The following SVOP variants were observed in gnomAD, a reference collection of about 807,000 sequenced individuals.
SVOP encodes the protein SV2 related protein.
A neutral mutation model predicts 69.1 loss-of-function variants in SVOP; 17 were observed. The observed-to-expected ratio is 0.25, with a 90% CI of 0.17 to 0.37. The LOEUF is 0.37. Ranked by LOEUF, SVOP falls within the 10% of genes least tolerant of loss-of-function variation. The pLI is 1.00. For synonymous variants in SVOP, 238 were observed against 238.6 expected, an observed-to-expected ratio of 1.00 and a Z score of 0.02; for missense variants, 435 against 597.5, an observed-to-expected ratio of 0.73 and a Z score of 2.84.
chr12:108,929,777 T>C (rs2039804231), intron 11 of SVOP, among the ~76,000 whole-genome samples: 2 of 152,190 alleles, frequency 1.3e-5, no homozygotes, highest in South Asian at 2.1e-4. Flanking sequence ...TCTCCTCCTA[T>C]TGCAATTGTT....
chr12:109,016,199 C>T (rs1020920387), intron 1 of SVOP, among the ~76,000 whole-genome samples: 1 of 152,228 alleles, frequency 6.6e-6, no homozygotes, highest in African/African-American at 2.4e-5. Flanking sequence ...TCTGACTTCA[C>T]CGATAGGCAC....
intron 5 of SVOP, among the ~76,000 whole-genome samples, chr12:108,962,544 G>C (rs1005273210): frequency 6.6e-6 from 1 of 152,134 alleles, no homozygotes; most frequent in Non-Finnish European, 1.5e-5. Flanking sequence ...GAACTCCTGA[G>C]TTCAAGGGAT....
chr12:108,946,997 G>A (rs1366119345), intron 6 of SVOP, among the ~76,000 whole-genome samples: 2 of 152,088 alleles, frequency 1.3e-5, no homozygotes, highest in African/African-American at 4.8e-5. Flanking sequence ...TGGAATTACA[G>A]GTGTGAGCCA....
At chr12:108,933,144 G>GCCACCAC in intron 11 of SVOP, among the ~76,000 whole-genome samples, 1 of 152,152 alleles carries the variant, frequency 6.6e-6, no homozygotes, top group Admixed American at 6.6e-5. Flanking sequence ...TAAAGTGCTG[G>GCCACCAC]GACTACATGC....
At chr12:108,915,728 C>A (rs980480336) in intron 15 of SVOP, 55 bp downstream of exon 15, 22 of 1,529,122 alleles carry the variant, frequency 1.4e-5, no homozygotes, top group Non-Finnish European at 1.9e-5. Context: ...TAACTGCTTG[C>A]CATGCATGGG....
At chr12:108,913,686 G>T (rs2039698743) in intron 15 of SVOP, among the ~76,000 whole-genome samples, 1 of 152,004 alleles carries the variant, frequency 6.6e-6, no homozygotes, top group African/African-American at 2.4e-5. Context: ...GTCTCGCTCT[G>T]TCTCCAGGCT....
intron 1 of SVOP, among the ~76,000 whole-genome samples, chr12:109,008,568 T>C (rs2040322931): frequency 6.6e-6 from 1 of 152,234 alleles, no homozygotes; most frequent in Non-Finnish European, 1.5e-5. Context: ...GCTTATATCC[T>C]GGACAAAAGG....
At chr12:108,954,444 G>A (rs567969584) in intron 6 of SVOP, among the ~76,000 whole-genome samples, 1 of 152,274 alleles carries the variant, frequency 6.6e-6, no homozygotes, top group Admixed American at 6.5e-5. Context: ...GAGCAGGCAG[G>A]CAAGCTGGGG....
intron 11 of SVOP, among the ~76,000 whole-genome samples, chr12:108,926,039 C>CT (rs1016435723): frequency 2.6e-5 from 4 of 152,024 alleles, no homozygotes; most frequent in African/African-American, 9.7e-5. Flanking sequence ...CCACCTCAGC[C>CT]TCCCAAATAG....
At position 109,009,361 on chromosome 12, in the gene SVOP, G is replaced by C. The variant is rs562048876; in HGVS notation, c.35+11473C>G. The stretch of plus-strand genomic sequence containing the variant: ...AGTTCTTGCCCCCATGGAACTTAGA[G>C]CCTTTTACCAAAGGTACCCTGAGCA... On this transcript the variant is annotated intron_variant, in intron 1 of 15. Coordinates refer to ENST00000610966, the MANE Select transcript of SVOP (RefSeq NM_018711.5). Among the ~76,000 whole-genome samples, 5 of 152,222 alleles carry C rather than the reference G, an allele frequency of 3.3e-5. No individual in the cohort carries two copies. The South Asian group carries it at 8.3e-4, about 25-fold the overall frequency.
intron 1 of SVOP, among the ~76,000 whole-genome samples, chr12:109,003,004 A>T (rs1439693745): frequency 7.7e-5 from 1 of 13,062 alleles, no homozygotes; most frequent in East Asian, 0.016. Context: ...TAAATAAATA[A>T]AAATAAAAAT....
At chr12:108,969,713 T>TG (rs2040067529) in intron 5 of SVOP, among the ~76,000 whole-genome samples, 1 of 148,356 alleles carries the variant, frequency 6.7e-6, no homozygotes, top group African/African-American at 2.5e-5. Flanking sequence ...CTCCTCCTTT[T>TG]TTTTCCTTCC....
intron 9 of SVOP, among the ~76,000 whole-genome samples, chr12:108,938,495 C>T (rs1034206354): frequency 6.6e-6 from 1 of 152,218 alleles, no homozygotes; most frequent in Non-Finnish European, 1.5e-5. Flanking sequence ...CAGTCTCATT[C>T]GCTAGTCAGA....
chr12:108,954,772 G>A (rs1593189686), intron 6 of SVOP, among the ~76,000 whole-genome samples: 1 of 152,200 alleles, frequency 6.6e-6, no homozygotes, highest in East Asian at 1.9e-4. Context: ...ATGCATGCCT[G>A]TAATCCCAGC....
chr12:108,979,675 C>T (rs939418199), intron 2 of SVOP, among the ~76,000 whole-genome samples: 18 of 152,182 alleles, frequency 1.2e-4, no homozygotes, highest in East Asian at 3.9e-4. Context: ...AATGTATATA[C>T]GTGTGTGTGT....
chr12:108,940,728 G>A, intron 8 of SVOP, 56 bp downstream of exon 8: 1 of 1,521,384 alleles, frequency 6.6e-7, no homozygotes, highest in East Asian at 2.5e-5. Flanking sequence ...CACCAAAATA[G>A]AGTGGACAGT....
At position 108,922,763 on chromosome 12, in the gene SVOP, G is replaced by A; in HGVS notation, c.1083C>T (p.Cys361=). The A allele has an allele frequency of 6.2e-7, 1 of 1,610,884 alleles. No homozygotes were observed. The highest frequency in any genetic ancestry group is 8.5e-7 in the Non-Finnish European group (1 of 1,178,824). The change falls in exon 12 of 16, where the codon TGC becomes TGT. Residue 361 remains cysteine, a synonymous_variant. Coordinates refer to ENST00000610966, the MANE Select transcript of SVOP (RefSeq NM_018711.5). The part of the protein sequence containing the change: ...SSRKKAVEAK[C]SLACEYLSEE... ...CACTCAGGTACTCGCAGGCCAGGCTGCATTTTGCCTCTACAGCCTTCTTCC... is the reference window on the plus strand; with the variant it reads ...CACTCAGGTACTCGCAGGCCAGGCTACATTTTGCCTCTACAGCCTTCTTCC...
intron 5 of SVOP, among the ~76,000 whole-genome samples, chr12:108,969,080 T>G (rs1258808841): frequency 1.3e-5 from 2 of 151,636 alleles, no homozygotes; most frequent in East Asian, 3.9e-4. Context: ...CCACCACTCC[T>G]GGCCTCCTTT....
intron 6 of SVOP, among the ~76,000 whole-genome samples, chr12:108,954,673 C>G (rs2039975745): frequency 6.6e-6 from 1 of 152,192 alleles, no homozygotes. Flanking sequence ...CTTCCGGAGG[C>G]TTCTCAAAAT....
Sources: allele counts gnomAD v4.1 joint callset (sites outside exome capture counted in the v4.1 genomes callset), GRCh38; gene constraint gnomAD v4.1.1; transcripts MANE v1.5; gene names NCBI Gene and HGNC (gene_info 2026-07-23, HGNC 2026-07-21).